The following SOX6 variants were observed in gnomAD, a reference collection of about 807,000 sequenced individuals.
SOX6 encodes SRY-box transcription factor 6.
SOX6 carries 11 observed loss-of-function variants against 97.8 expected under a neutral mutation model. The observed-to-expected ratio is 0.11, with a 90% CI of 0.07 to 0.19. The LOEUF is 0.19. Ranked by LOEUF, SOX6 falls within the 10% of genes least tolerant of loss-of-function variation. The pLI is 1.00. For missense variants in SOX6, 810 were observed against 1,039.5 expected (o/e 0.78, Z 3.04); for synonymous variants, 360 against 371.4 (o/e 0.97, Z 0.35).
chr11:16,161,211 G>A (rs550615897), intron 6 of SOX6, among the ~76,000 whole-genome samples: 1 of 152,172 alleles, frequency 6.6e-6, no homozygotes, highest in African/African-American at 2.4e-5. Flanking sequence ...TTATGAGCCA[G>A]TGTGAGTTGG....
intron 1 of SOX6, among the ~76,000 whole-genome samples, chr11:16,430,154 C>T (rs906388265): frequency 5.9e-5 from 9 of 152,278 alleles, no homozygotes; most frequent in African/African-American, 2.2e-4. Flanking sequence ...ATATTCTTTC[C>T]TTTGCCTAAA....
At chr11:16,186,051 T>C (rs945946341) in intron 5 of SOX6, among the ~76,000 whole-genome samples, 1 of 152,218 alleles carries the variant, frequency 6.6e-6, no homozygotes, top group Non-Finnish European at 1.5e-5. Flanking sequence ...ATTAATGTAC[T>C]CTTATGAGAC....
chr11:16,737,853 T>C (rs538644568), intron 1 of SOX6, among the ~76,000 whole-genome samples: 43 of 152,264 alleles, frequency 2.8e-4, no homozygotes, highest in African/African-American at 1.0e-3. Flanking sequence ...TTGTACACTT[T>C]TTAAAAAATG....
chr11:16,146,483 G>A (rs1319878948), intron 6 of SOX6, among the ~76,000 whole-genome samples: 1 of 152,048 alleles, frequency 6.6e-6, no homozygotes, highest in South Asian at 2.1e-4. Flanking sequence ...AATGGCAACA[G>A]AAGTCAAAAT....
intron 4 of SOX6, among the ~76,000 whole-genome samples, chr11:16,205,188 G>T (rs911483777): frequency 6.6e-6 from 1 of 152,070 alleles, no homozygotes; most frequent in South Asian, 2.1e-4. Context: ...AGAATTCCAC[G>T]ATAGAACCAG....
chr11:16,043,346 T>C (rs913100631), intron 12 of SOX6, among the ~76,000 whole-genome samples: 2 of 152,082 alleles, frequency 1.3e-5, no homozygotes, highest in African/African-American at 4.8e-5. Context: ...GAAGCTATGT[T>C]GAAACGATGG....
intron 4 of SOX6, among the ~76,000 whole-genome samples, chr11:16,223,763 C>T (rs555176485): frequency 6.6e-6 from 1 of 152,242 alleles, no homozygotes; most frequent in South Asian, 2.1e-4. Flanking sequence ...GGTAAGCAAT[C>T]TGAATGGCTT....
chr11:16,214,991 G>A (rs1852333064), intron 4 of SOX6, among the ~76,000 whole-genome samples: 1 of 152,028 alleles, frequency 6.6e-6, no homozygotes, highest in Admixed American at 6.6e-5. Context: ...CTCATGATCA[G>A]CTGACCTCGG....
chr11:16,451,394 C>T (rs1590209104), intron 1 of SOX6, among the ~76,000 whole-genome samples: 1 of 152,212 alleles, frequency 6.6e-6, no homozygotes, highest in South Asian at 2.1e-4. Flanking sequence ...GTCTAATGAG[C>T]CTGAAGTCCC....
chr11:16,139,568 T>G (rs1277097498), intron 6 of SOX6, among the ~76,000 whole-genome samples: 3 of 152,158 alleles, frequency 2.0e-5, no homozygotes, highest in African/African-American at 7.2e-5. Context: ...TATCCTTTTG[T>G]TATGCTCTTA....
At chr11:16,522,665 A>T (rs1861087580) in intron 4 of SOX6, among the ~76,000 whole-genome samples, 1 of 152,224 alleles carries the variant, frequency 6.6e-6, no homozygotes, top group Non-Finnish European at 1.5e-5. Context: ...TAAATGCTCC[A>T]ATTAAAAGAC....
intron 3 of SOX6, among the ~76,000 whole-genome samples, chr11:16,714,470 T>C (rs1469892662): frequency 1.3e-5 from 2 of 149,742 alleles, no homozygotes; most frequent in African/African-American, 2.5e-5. Context: ...TTTTTTTTTT[T>C]TCAGACAGAG....
intron 4 of SOX6, among the ~76,000 whole-genome samples, chr11:16,584,778 A>C (rs1202562582): frequency 6.6e-6 from 1 of 152,108 alleles, no homozygotes; most frequent in East Asian, 1.9e-4. Context: ...CCAACTCAAC[A>C]CCACAGCGGC....
At chr11:16,082,066 G>A (rs1323270620) in intron 9 of SOX6, among the ~76,000 whole-genome samples, 1 of 152,104 alleles carries the variant, frequency 6.6e-6, no homozygotes, top group Non-Finnish European at 1.5e-5. Context: ...ACTGGTAATT[G>A]TCACCCTAAA....
At chr11:16,478,351 A>G (rs1212184284), upstream of SOX6, among the ~76,000 whole-genome samples, 1 of 152,242 alleles carries the variant, frequency 6.6e-6, no homozygotes, top group Non-Finnish European at 1.5e-5. Context: ...TGACCAGAAA[A>G]TATTGTGGTT....
chr11:16,689,377 T>C (rs1182759011), intron 3 of SOX6, among the ~76,000 whole-genome samples: 1 of 152,206 alleles, frequency 6.6e-6, no homozygotes, highest in Non-Finnish European at 1.5e-5. Context: ...GCCTGAAAAC[T>C]CTCTCAAGGT....
At chr11:16,698,711 C>A (rs1456949087) in intron 3 of SOX6, among the ~76,000 whole-genome samples, 1 of 152,050 alleles carries the variant, frequency 6.6e-6, no homozygotes, top group South Asian at 2.1e-4. Flanking sequence ...TATTAATTGG[C>A]CTAATTTCAA....
chr11:16,001,786 T>C (rs1854414870), intron 13 of SOX6, among the ~76,000 whole-genome samples: 1 of 152,172 alleles, frequency 6.6e-6, no homozygotes, highest in Admixed American at 6.6e-5. Flanking sequence ...CAATGCTAAA[T>C]TAATGCATTC....
chr11:16,653,751 T>C (rs1202963664), intron 3 of SOX6, among the ~76,000 whole-genome samples: 1 of 152,062 alleles, frequency 6.6e-6, no homozygotes, highest in Non-Finnish European at 1.5e-5. Context: ...AAAGGCATGT[T>C]CCCCAAAAAT....
Sources: gnomAD v4.1 joint callset for allele counts (sites outside exome capture counted in the v4.1 genomes callset) on GRCh38, gnomAD v4.1.1 for gene constraint, MANE v1.5 for transcripts, NCBI Gene and HGNC (gene_info 2026-07-23, HGNC 2026-07-21) for gene names.